The following CFAP54 variants were observed in gnomAD, a reference collection of about 807,000 sequenced individuals.
CFAP54 encodes cilia and flagella associated protein 54, also known as cilia- and flagella-associated protein 54.
In CFAP54, 290 loss-of-function variants were observed where a neutral mutation model predicts 370.4. The observed-to-expected ratio is 0.78, with a 90% CI of 0.71 to 0.86. CFAP54 has a LOEUF of 0.86. Ranked by LOEUF, CFAP54 falls within the 40% of genes least tolerant of loss-of-function variation. The pLI is 0.00. For missense variants in CFAP54, 3,399 were observed against 3,528.7 expected (o/e 0.96, Z 0.93); for synonymous variants, 1,206 against 1,236.5 (o/e 0.98, Z 0.52).
chr12:96,648,166 G>T, intron 34 of CFAP54, 149 bp downstream of exon 34: 1 of 520,270 alleles, frequency 1.9e-6, no homozygotes, highest in Non-Finnish European at 3.0e-6. Flanking sequence ...ATATTTTGTA[G>T]GAGATTCTTG....
At chr12:96,612,412 C>T (rs1031120662) in intron 26 of CFAP54, among the ~76,000 whole-genome samples, 2 of 152,142 alleles carry the variant, frequency 1.3e-5, no homozygotes, top group African/African-American at 4.8e-5. Context: ...AAGGAACAAC[C>T]AGTACCAGCC....
chr12:96,607,785 A>T (rs1175783900), intron 26 of CFAP54, among the ~76,000 whole-genome samples: 1 of 151,874 alleles, frequency 6.6e-6, no homozygotes, highest in Non-Finnish European at 1.5e-5. Flanking sequence ...AGAATCAATT[A>T]GCTTCAGACT....
chr12:96,636,220 C>T (rs942226194), intron 32 of CFAP54, among the ~76,000 whole-genome samples: 8 of 152,066 alleles, frequency 5.3e-5, no homozygotes, highest in African/African-American at 1.4e-4. Flanking sequence ...GGGACAGGTA[C>T]CAAATATGTA....
intron 1 of CFAP54, among the ~76,000 whole-genome samples, chr12:96,499,036 T>C (rs960660987): frequency 6.6e-6 from 1 of 152,206 alleles, no homozygotes; most frequent in Non-Finnish European, 1.5e-5. Flanking sequence ...TGGAGTGCAG[T>C]GGCCTGATCT....
chr12:96,752,180 T>G (rs1166543449), intron 55 of CFAP54, among the ~76,000 whole-genome samples: 2 of 147,430 alleles, frequency 1.4e-5, no homozygotes, highest in African/African-American at 5.0e-5. Context: ...ATGCCTGAAT[T>G]AAAAGTTTAC....
At chr12:96,859,191 CTGGCT>C (rs1959797796) in intron 66 of CFAP54, among the ~76,000 whole-genome samples, 1 of 152,140 alleles carries the variant, frequency 6.6e-6, no homozygotes. Context: ...GCTGGGGTAG[CTGGCT>C]AGCCATAAGC....
intron 17 of CFAP54, among the ~76,000 whole-genome samples, chr12:96,560,635 C>T (rs1279232188): frequency 6.6e-6 from 1 of 152,070 alleles, no homozygotes; most frequent in Non-Finnish European, 1.5e-5. Context: ...GTTTATATTC[C>T]ATTGTATCAC....
chr12:96,861,240 A>G (rs1434417007), intron 67 of CFAP54, among the ~76,000 whole-genome samples: 1 of 152,226 alleles, frequency 6.6e-6, no homozygotes, highest in Non-Finnish European at 1.5e-5. Context: ...CAGGTCCATA[A>G]AGCAAGATTG....
intron 17 of CFAP54, among the ~76,000 whole-genome samples, chr12:96,563,498 C>T (rs566078861): frequency 3.9e-5 from 6 of 152,274 alleles, no homozygotes; most frequent in South Asian, 2.1e-4. Context: ...TTATCTCCAA[C>T]GATTATAATC....
At chr12:96,863,157 ATGG>A in intron 67 of CFAP54, among the ~76,000 whole-genome samples, 1 of 57,896 alleles carries the variant, frequency 1.7e-5, no homozygotes, top group South Asian at 1.0e-3. Flanking sequence ...TATTTGTTGG[ATGG>A]ATGGATGGAT....
At position 96,765,135 on chromosome 12, in the gene CFAP54, A is replaced by T; in HGVS notation, c.8198A>T (p.His2733Leu). The T allele has an allele frequency of 4.5e-6, 7 of 1,541,462 alleles. No homozygotes were observed. Among genetic ancestry groups the T allele is most frequent in the Non-Finnish European group, 5.3e-6 (6 of 1,130,486 alleles). Residue 2733 changes from histidine (H) to leucine (L), a missense_variant, in exon 60 of 68, where the codon CAT (histidine) becomes CTT (leucine). By Grantham distance (99) the His-to-Leu change is moderately conservative. Transcript: ENST00000524981. The stretch of plus-strand genomic sequence containing the variant: ...ATTGGAAAGAAGAATACTAGAATGC[A>T]TAAAGTTAACCAAGTGGCATTACCA... ...LLIGKKNTRM[H>L]KVNQVALPNI...
chr12:96,712,715 C>G lies in CFAP54; in HGVS notation c.6724+3912C>G, dbSNP rs573781670. ...CCCAGCCTCTAGTAACCACCGTTCT[C>G]TCTACCTCCATGAAAACAATTCTTT... On this transcript the variant is annotated intron_variant, in intron 48 of 67. Coordinates refer to ENST00000524981, the MANE Select transcript of CFAP54 (RefSeq NM_001306084.2). Among the ~76,000 whole-genome samples the G allele has an allele frequency of 3.7e-4, 57 of 152,282 alleles. 1 individual carries two copies. The highest frequency in any genetic ancestry group is 1.3e-3 in the African/African-American group (56 of 41,572).
intron 66 of CFAP54, among the ~76,000 whole-genome samples, chr12:96,838,041 C>A (rs1959192006): frequency 1.3e-5 from 2 of 152,044 alleles, no homozygotes; most frequent in South Asian, 4.2e-4. Flanking sequence ...CTCTTATGGC[C>A]CATAATTACA....
rs540988534 is a variant in CFAP54, at chr12:96,617,938, C to T, written c.3640-3652C>T. On this transcript the variant is annotated intron_variant, in intron 26 of 67. Coordinates refer to ENST00000524981, the MANE Select transcript of CFAP54 (RefSeq NM_001306084.2). ...CCGGGAGGCAGAGCTTGCAGTGAGC[C>T]GAGATTATGCCACTGTACTCCAGCC... is the stretch of plus-strand genomic sequence containing the variant. 1.5e-4 allele frequency among the ~76,000 whole-genome samples: 22 copies of T among 143,474 alleles called. 1 individual carries two copies. The highest frequency in any genetic ancestry group is 4.6e-4 in the African/African-American group (18 of 38,772). The allele number at this position is 143,474 out of a possible 152,430, so 94.1% of individuals were successfully genotyped here. A position where few individuals can be genotyped will look rare whatever the true frequency, so the allele number is the denominator to read the frequency against.
chr12:96,858,821 G>T (rs1242607100), intron 66 of CFAP54, among the ~76,000 whole-genome samples: 1 of 152,128 alleles, frequency 6.6e-6, no homozygotes, highest in Non-Finnish European at 1.5e-5. Context: ...ATACTGTCCA[G>T]AGCAATTTAC....
chr12:96,739,255 A>G (rs1958021459), intron 50 of CFAP54, among the ~76,000 whole-genome samples: 1 of 152,198 alleles, frequency 6.6e-6, no homozygotes, highest in Non-Finnish European at 1.5e-5. Flanking sequence ...TACATTTTCA[A>G]AAGAAGACAG....
At position 96,709,732 on chromosome 12, in the gene CFAP54, T is replaced by TTATTATTATTATTATTA. The variant is rs1489881430; in HGVS notation, c.6724+930_6724+931insATTATTATTATTATTAT. On this transcript the variant is annotated intron_variant, in intron 48 of 67. Coordinates refer to ENST00000524981, the MANE Select transcript of CFAP54 (RefSeq NM_001306084.2). ...ATTATTATTATTATTATTATTATTA[T>TTATTATTATTATTATTA]TGTTTTCGAGATGGAGTCTTACTCT... is the stretch of plus-strand genomic sequence containing the variant. 2.7e-5 allele frequency among the ~76,000 whole-genome samples: 4 copies of TTATTATTATTATTATTA among 150,586 alleles called. No homozygotes were observed. The East Asian group carries it at 7.8e-4, about 29-fold the overall frequency.
At chr12:96,788,892 T>C (rs752955829) in intron 62 of CFAP54, among the ~76,000 whole-genome samples, 5 of 152,244 alleles carry the variant, frequency 3.3e-5, no homozygotes, top group Non-Finnish European at 7.3e-5. Context: ...TCCTAGATAC[T>C]GGGATATTGT....
At chr12:96,726,977 T>C (rs1182410692) in intron 50 of CFAP54, among the ~76,000 whole-genome samples, 1 of 152,254 alleles carries the variant, frequency 6.6e-6, no homozygotes. Context: ...TCCATGTAGT[T>C]GAGCGATTTT....
Sources: allele counts gnomAD v4.1 joint callset (sites outside exome capture counted in the v4.1 genomes callset), GRCh38; gene constraint gnomAD v4.1.1; transcripts MANE v1.5; gene names NCBI Gene and HGNC (gene_info 2026-07-23, HGNC 2026-07-21).